The following ASH1L variants were observed in gnomAD, a reference collection of about 807,000 sequenced individuals.
ASH1L encodes the protein histone-lysine N-methyltransferase ASH1L.
A neutral mutation model predicts 269.0 loss-of-function variants in ASH1L; 23 were observed. That is an observed-to-expected ratio of 0.09 (90% confidence interval 0.06 to 0.12). The LOEUF (loss-of-function observed/expected upper bound fraction) is 0.12. ASH1L is among the 10% of genes least tolerant of loss of function. The probability of loss-of-function intolerance (pLI) is 1.00; values close to 1 mark genes in which losing one functional copy is unlikely to be tolerated. For missense variants in ASH1L, 2,912 were observed against 3,567.8 expected, an observed-to-expected ratio of 0.82 and a Z score of 4.68; for synonymous variants, 1,187 against 1,253.5, an observed-to-expected ratio of 0.95 and a Z score of 1.12.
intron 1 of ASH1L, among the ~76,000 whole-genome samples, chr1:155,536,293 T>C (rs549286156): frequency 2.6e-5 from 4 of 152,310 alleles, no homozygotes; most frequent in South Asian, 2.1e-4. Context: ...GCAGGACTTA[T>C]ACAGAGGGCC....
At chr1:155,507,548 G>A (rs926225919) in intron 2 of ASH1L, among the ~76,000 whole-genome samples, 1 of 151,888 alleles carries the variant, frequency 6.6e-6, no homozygotes, top group African/African-American at 2.4e-5. Flanking sequence ...TGACTAATAC[G>A]TAATCTGCTC....
chr1:155,338,235 G>C lies in ASH1L; in HGVS notation c.8657C>G (p.Ala2886Gly). 6.2e-7 allele frequency: 1 copy of C among 1,613,904 alleles called. No individual in the cohort carries two copies. The highest frequency in any genetic ancestry group is 2.2e-5 in the East Asian group (1 of 44,868). ...TTTTTTTTCACCCTCACTGACGTTA[G>C]CAGTGGCCCCTTCCCGTTCTGGCTC... ...LEEPEREGAT[A>G]NVSEGEKKTE... The change falls in exon 27 of 28, where the codon GCT becomes GGT. Residue 2886 changes from alanine to glycine, a missense_variant. Around this residue, in one of 13 missense-constraint regions of ASH1L, gnomAD observed 154 missense variants for 165.0 expected, o/e 0.93. Transcript: ENST00000392403.
At chr1:155,467,894 T>C (rs1489976460) in intron 3 of ASH1L, among the ~76,000 whole-genome samples, 1 of 152,152 alleles carries the variant, frequency 6.6e-6, no homozygotes, top group African/African-American at 2.4e-5. Flanking sequence ...TACATAAAAG[T>C]TACAAAGATA....
chr1:155,515,617 C>T (rs1471072791), intron 2 of ASH1L, among the ~76,000 whole-genome samples: 3 of 151,950 alleles, frequency 2.0e-5, no homozygotes, highest in Non-Finnish European at 2.9e-5. Context: ...CACCTGAGGT[C>T]AGGAATTCGA....
intron 2 of ASH1L, among the ~76,000 whole-genome samples, chr1:155,513,203 G>A (rs1231773115): frequency 6.6e-6 from 1 of 152,036 alleles, no homozygotes; most frequent in African/African-American, 2.4e-5. Flanking sequence ...TGAGTTCCTG[G>A]TGGGAATGTA....
chr1:155,407,217 C>T (rs542764496), intron 6 of ASH1L, among the ~76,000 whole-genome samples: 10 of 151,564 alleles, frequency 6.6e-5, no homozygotes, highest in African/African-American at 1.5e-4. Context: ...AGCGAGACTC[C>T]GTCTCAAAAA....
chr1:155,344,548 G>A, intron 21 of ASH1L: 1 of 292,346 alleles, frequency 3.4e-6, no homozygotes, highest in Non-Finnish European at 6.4e-6. Context: ...ATGTGTGAAG[G>A]GAGACTAATT....
chr1:155,494,995 T>C (rs1248360967), intron 2 of ASH1L, among the ~76,000 whole-genome samples: 1 of 152,156 alleles, frequency 6.6e-6, no homozygotes, highest in Non-Finnish European at 1.5e-5. Context: ...GAAGCACATA[T>C]TTCCAGGAGC....
chr1:155,487,765 G>C (rs1288609272), intron 2 of ASH1L, among the ~76,000 whole-genome samples: 4 of 151,904 alleles, frequency 2.6e-5, no homozygotes, highest in African/African-American at 9.7e-5. Context: ...TTTATGATGG[G>C]TATTTTTCTA....
chr1:155,343,877 C>T lies in ASH1L; in HGVS notation c.7982-135G>A. ...TATAAATACAGAGAGCTAAAAGCAG[C>T]AGTGTTAAGTGATGATAATCAATTC... On this transcript the variant is annotated intron_variant, in intron 22 of 27. Coordinates refer to ENST00000392403, the MANE Select transcript of ASH1L (RefSeq NM_018489.3). The surrounding 1 kb of genome is among the most constrained non-coding windows in gnomAD (Gnocchi z 6.1). The T allele has an allele frequency of 9.7e-7, 1 of 1,030,670 alleles. No homozygotes were observed. The highest frequency in any genetic ancestry group is 1.4e-6 in the Non-Finnish European group (1 of 719,520). The allele number at this position is 1,030,670 out of a possible 1,614,324, so 63.8% of individuals were successfully genotyped here. A position where few individuals can be genotyped will look rare whatever the true frequency, so the allele number is the denominator to read the frequency against.
At chr1:155,427,132 A>ATT (rs67465671) in intron 5 of ASH1L, among the ~76,000 whole-genome samples, 1,171 of 96,078 alleles carry the variant, frequency 0.012, 36 homozygotes, top group African/African-American at 0.04. Context: ...CTCTGATATA[A>ATT]TTTTTTTTTT....
intron 5 of ASH1L, among the ~76,000 whole-genome samples, chr1:155,421,657 C>T (rs1375192378): frequency 6.7e-6 from 1 of 149,044 alleles, no homozygotes; most frequent in Non-Finnish European, 1.5e-5. Flanking sequence ...GGCGACAGAG[C>T]AAGACTCCAT....
At chr1:155,417,226 C>T (rs1318246768) in intron 5 of ASH1L, among the ~76,000 whole-genome samples, 6 of 151,142 alleles carry the variant, frequency 4.0e-5, no homozygotes, top group East Asian at 4.0e-4. Context: ...TGAGCCATCA[C>T]GCCCAGCCTC....
intron 2 of ASH1L, among the ~76,000 whole-genome samples, chr1:155,498,537 G>T (rs1231123226): frequency 2.6e-5 from 4 of 152,002 alleles, no homozygotes; most frequent in Non-Finnish European, 5.9e-5. Context: ...TGCCTCCCGG[G>T]TTCAAGCGAT....
chr1:155,352,892 A>G (rs746914839), intron 16 of ASH1L, 34 bp from the exon 17 acceptor site: 2 of 1,577,542 alleles, frequency 1.3e-6, no homozygotes, highest in Admixed American at 3.7e-5. Context: ...AGTTACAGGA[A>G]ACAAGGAGCT....
At chr1:155,342,160 C>T in intron 24 of ASH1L, 58 bp from the exon 25 acceptor site, 1 of 1,550,588 alleles carries the variant, frequency 6.4e-7, no homozygotes, top group Non-Finnish European at 8.9e-7. Context: ...CCTGAGCTGC[C>T]CAAAGACCCC....
At chr1:155,442,130 TC>T (rs1662632055) in intron 4 of ASH1L, among the ~76,000 whole-genome samples, 1 of 152,194 alleles carries the variant, frequency 6.6e-6, no homozygotes, top group African/African-American at 2.4e-5. Flanking sequence ...AGGAAGGGAA[TC>T]CTGAGAAACT....
intron 5 of ASH1L, among the ~76,000 whole-genome samples, chr1:155,436,579 C>T (rs1378940719): frequency 1.4e-5 from 2 of 146,614 alleles, no homozygotes; most frequent in African/African-American, 5.0e-5. Context: ...TCATCACAAC[C>T]TCCGCCTCCT....
intron 2 of ASH1L, among the ~76,000 whole-genome samples, chr1:155,489,915 A>C (rs1666643689): frequency 6.6e-6 from 1 of 152,132 alleles, no homozygotes; most frequent in African/African-American, 2.4e-5. Context: ...TTTAAAGGTG[A>C]AAGTACAAAG....
Sources: gnomAD v4.1 joint callset for allele counts (sites outside exome capture counted in the v4.1 genomes callset) on GRCh38, gnomAD v4.1.1 for gene constraint, gnomAD v4.1.1 regional missense constraint, Gnocchi (gnomAD v3.1) non-coding constraint, MANE v1.5 for transcripts, NCBI Gene and HGNC (gene_info 2026-07-23, HGNC 2026-07-21) for gene names.